CNTLN: variants seen among roughly 807,000 people sequenced by gnomAD.
The protein encoded by CNTLN is centlein.
A neutral mutation model predicts 180.0 loss-of-function variants in CNTLN; 212 were observed. The ratio of observed to expected loss-of-function variants is 1.18; its 90% CI spans 1.05 to 1.32. The LOEUF (loss-of-function observed/expected upper bound fraction) is 1.32. Ranked by LOEUF, CNTLN falls within the 40% of genes most tolerant of loss-of-function variation. CNTLN has a pLI of 0.00. For missense variants in CNTLN, 2,095 were observed against 1,610.9 expected, an observed-to-expected ratio of 1.30 and a Z score of -5.14; for synonymous variants, 722 against 563.1, an observed-to-expected ratio of 1.28 and a Z score of -3.99.
At chr9:17,205,650 A>G (rs1226642412) in intron 2 of CNTLN, among the ~76,000 whole-genome samples, 1 of 152,172 alleles carries the variant, frequency 6.6e-6, no homozygotes, top group Non-Finnish European at 1.5e-5. Flanking sequence ...GGGATTTGTC[A>G]CTTGTATACC....
At chr9:17,392,498 C>G (rs1426417702) in intron 14 of CNTLN, among the ~76,000 whole-genome samples, 1 of 152,056 alleles carries the variant, frequency 6.6e-6, no homozygotes, top group Non-Finnish European at 1.5e-5. Flanking sequence ...TATTTTTTGT[C>G]ATATTAATCA....
intron 2 of CNTLN, among the ~76,000 whole-genome samples, chr9:17,146,607 A>G (rs931592471): frequency 6.6e-6 from 1 of 152,154 alleles, no homozygotes; most frequent in African/African-American, 2.4e-5. Context: ...ACAGACCCTT[A>G]CCAGACACTG....
chr9:17,163,658 G>T (rs1819842006), intron 2 of CNTLN, among the ~76,000 whole-genome samples: 1 of 152,176 alleles, frequency 6.6e-6, no homozygotes, highest in Admixed American at 6.5e-5. Flanking sequence ...ACAAGCAAAT[G>T]CATGATATTA....
At chr9:17,343,638 G>C (rs531882944) in intron 12 of CNTLN, among the ~76,000 whole-genome samples, 1 of 152,246 alleles carries the variant, frequency 6.6e-6, no homozygotes, top group East Asian at 1.9e-4. Context: ...ATTTGTCTCA[G>C]AGGCATTTCC....
chr9:17,171,846 GACATTGTT>G (rs562341786), intron 2 of CNTLN, among the ~76,000 whole-genome samples: 75 of 152,222 alleles, frequency 4.9e-4, no homozygotes, highest in Non-Finnish European at 8.5e-4. Flanking sequence ...CAGGGTCCAG[GACATTGTT>G]ACTCTCCCTG....
At chr9:17,175,838 G>C (rs921512535) in intron 2 of CNTLN, among the ~76,000 whole-genome samples, 1 of 152,020 alleles carries the variant, frequency 6.6e-6, no homozygotes, top group African/African-American at 2.4e-5. Context: ...TATATTGTTA[G>C]ATTTACACCT....
At chr9:17,266,204 T>A (rs1827427607) in intron 5 of CNTLN, among the ~76,000 whole-genome samples, 1 of 152,144 alleles carries the variant, frequency 6.6e-6, no homozygotes, top group Non-Finnish European at 1.5e-5. Flanking sequence ...TACACACTGC[T>A]TTGAATGTGT....
chr9:17,267,659 G>A (rs990918183), intron 5 of CNTLN, among the ~76,000 whole-genome samples: 6 of 152,008 alleles, frequency 3.9e-5, no homozygotes, highest in Admixed American at 1.3e-4. Context: ...CATTCTCCCC[G>A]ACACTTTCAG....
chr9:17,336,451 C>T (rs1821042976), intron 10 of CNTLN, among the ~76,000 whole-genome samples: 1 of 152,118 alleles, frequency 6.6e-6, no homozygotes, highest in Non-Finnish European at 1.5e-5. Context: ...GAACAATAGT[C>T]TCTAGGACTA....
At chr9:17,155,272 C>G (rs1008704654) in intron 2 of CNTLN, among the ~76,000 whole-genome samples, 3 of 152,226 alleles carry the variant, frequency 2.0e-5, no homozygotes, top group African/African-American at 4.8e-5. Flanking sequence ...GGAACCAATT[C>G]CGGACACAGT....
At chr9:17,254,537 G>A (rs1406503885) in intron 5 of CNTLN, among the ~76,000 whole-genome samples, 1 of 150,918 alleles carries the variant, frequency 6.6e-6, no homozygotes. Flanking sequence ...AGTTTTTCTG[G>A]CAACATTTGT....
rs201201728 is a variant in CNTLN at position 17,388,197 on chromosome 9, A to G, written c.2023A>G (p.Lys675Glu). 1.2e-4 allele frequency: 188 copies of G among 1,612,524 alleles called. 1 individual carries two copies. The highest frequency in any genetic ancestry group is 3.2e-4 in the Admixed American group (19 of 59,992). Residue 675 changes from lysine to glutamate, a missense_variant, in exon 14 of 26, where the codon AAG (lysine) becomes GAG (glutamate). Transcript: ENST00000380647. Reference sequence around the variant, plus strand: ...TAGATCTGGTGAAGATGATGAGGTCAAGAGGAGTACTCCAGAGAAGAATGG... The same window carrying G: ...TAGATCTGGTGAAGATGATGAGGTCGAGAGGAGTACTCCAGAGAAGAATGG... ...LFRSGEDDEVKRSTPEKNGKE... is the reference protein window; with the variant it reads ...LFRSGEDDEVERSTPEKNGKE...
chr9:17,428,283 C>T (rs1829213984), intron 18 of CNTLN, among the ~76,000 whole-genome samples: 1 of 151,478 alleles, frequency 6.6e-6, no homozygotes, highest in African/African-American at 2.4e-5. Context: ...AAAAGTTAGT[C>T]CAGACAGATT....
intron 2 of CNTLN, among the ~76,000 whole-genome samples, chr9:17,160,581 C>G (rs980390985): frequency 3.3e-5 from 5 of 152,122 alleles, no homozygotes; most frequent in African/African-American, 1.2e-4. Context: ...CTTTCAAATC[C>G]TCTATCTTGG....
At chr9:17,363,627 G>C (rs889521481) in intron 12 of CNTLN, among the ~76,000 whole-genome samples, 28 of 151,552 alleles carry the variant, frequency 1.8e-4, no homozygotes, top group African/African-American at 6.8e-4. Flanking sequence ...TTCATCACTA[G>C]CTGTATCCTC....
At chr9:17,138,952 T>G (rs1817896921) in intron 1 of CNTLN, among the ~76,000 whole-genome samples, 1 of 152,188 alleles carries the variant, frequency 6.6e-6, no homozygotes, top group Non-Finnish European at 1.5e-5. Context: ...TAGTATTTAG[T>G]ATTTAGTCAA....
At chr9:17,260,695 A>G (rs542392713) in intron 5 of CNTLN, among the ~76,000 whole-genome samples, 2 of 151,474 alleles carry the variant, frequency 1.3e-5, no homozygotes, top group South Asian at 2.1e-4. Flanking sequence ...CTTTAGTTTA[A>G]TTAGATCCCA....
intron 5 of CNTLN, among the ~76,000 whole-genome samples, chr9:17,256,633 GT>G (rs1293805918): frequency 1.3e-5 from 2 of 151,230 alleles, no homozygotes; most frequent in Admixed American, 6.6e-5. Flanking sequence ...AACTCATTCT[GT>G]AAGGCAGAAT....
chr9:17,443,228 C>T (rs1213834414), intron 18 of CNTLN, among the ~76,000 whole-genome samples: 1 of 152,192 alleles, frequency 6.6e-6, no homozygotes, highest in African/African-American at 2.4e-5. Flanking sequence ...ACAAAACCAT[C>T]ATTAGTTCCC....
Sources: allele counts gnomAD v4.1 joint callset (sites outside exome capture counted in the v4.1 genomes callset), GRCh38; gene constraint gnomAD v4.1.1; transcripts MANE v1.5; gene names NCBI Gene and HGNC (gene_info 2026-07-23, HGNC 2026-07-21).